ALG14: variants seen among roughly 807,000 people sequenced by gnomAD.
The protein encoded by ALG14 is UDP-N-acetylglucosamine transferase subunit ALG14.
Under a neutral mutation model 22.8 loss-of-function variants are expected in ALG14, and 17 were observed. The ratio of observed to expected loss-of-function variants is 0.75; its 90% CI spans 0.51 to 1.12. The LOEUF is 1.12. Among genes scored for constraint, ALG14 ranks in the 50% most tolerant of loss-of-function variants. The pLI, the probability that ALG14 is intolerant of heterozygous loss-of-function variation, is 0.00. For missense variants in ALG14, 288 were observed against 271.8 expected (o/e 1.06, Z -0.42); for synonymous variants, 89 against 103.7 (o/e 0.86, Z 0.86).
At chr1:95,047,112 T>C (rs1292953090) in intron 2 of ALG14, among the ~76,000 whole-genome samples, 2 of 152,186 alleles carry the variant, frequency 1.3e-5, no homozygotes, top group East Asian at 3.9e-4. Context: ...GCAGACAATA[T>C]ATAGGATGTG....
At chr1:95,066,031 T>C (rs578140299) in intron 1 of ALG14, among the ~76,000 whole-genome samples, 3 of 152,276 alleles carry the variant, frequency 2.0e-5, no homozygotes, top group African/African-American at 7.2e-5. Context: ...CTCAGTCAGG[T>C]TGATGTCTTC....
rs1419986912 is a variant in ALG14 at position 94,977,985 on chromosome 1, G to C, written c.*5091C>G. 2 of 151,822 alleles carry C rather than the reference G, an allele frequency of 1.3e-5. No homozygotes were observed. The highest frequency in any genetic ancestry group is 2.9e-5 in the Non-Finnish European group (2 of 67,960). 9.4% of individuals were successfully genotyped at this position (151,822 alleles called of 1,614,324 possible). On this transcript the variant is annotated 3_prime_UTR_variant, in exon 4 of 4. Coordinates refer to ENST00000370205, the MANE Select transcript of ALG14 (RefSeq NM_144988.4). ...TAATTTTTTAGTATAATGAGGTCCTGAGATCAAAACGTTTGTGAAGCACTG... is the reference window on the plus strand; with the variant it reads ...TAATTTTTTAGTATAATGAGGTCCTCAGATCAAAACGTTTGTGAAGCACTG...
intron 2 of ALG14, among the ~76,000 whole-genome samples, chr1:95,034,534 G>A (rs187186937): frequency 1.2e-4 from 18 of 152,292 alleles, no homozygotes; most frequent in Non-Finnish European, 2.2e-4. Flanking sequence ...TGACATCTCA[G>A]GGTTTTAAGG....
At chr1:95,065,175 C>T (rs894438257) in intron 1 of ALG14, among the ~76,000 whole-genome samples, 158 bp from the exon 2 acceptor site, 2 of 152,110 alleles carry the variant, frequency 1.3e-5, no homozygotes, top group African/African-American at 4.8e-5. Flanking sequence ...AACAATAAAT[C>T]TATGCCCTCG....
At chr1:95,052,522 A>G (rs1674781349) in intron 2 of ALG14, among the ~76,000 whole-genome samples, 1 of 152,156 alleles carries the variant, frequency 6.6e-6, no homozygotes, top group Non-Finnish European at 1.5e-5. Flanking sequence ...GAGATATTAT[A>G]TTTTTTCCTT....
At chr1:94,998,353 G>A (rs1030386489) in intron 3 of ALG14, among the ~76,000 whole-genome samples, 2 of 152,126 alleles carry the variant, frequency 1.3e-5, no homozygotes, top group African/African-American at 4.8e-5. Flanking sequence ...TATGGTGTAA[G>A]TCTTTGAAAC....
In ALG14 at chr1:94,974,924, C is replaced by G. The variant is rs1672366169; in HGVS notation, c.*8152G>C. The stretch of plus-strand genomic sequence containing the variant: ...ACTCAAATGGCAGGGCTGGAATAAT[C>G]TGGAGACTTCTCCTCTTGCATGTCT... On this transcript the variant is annotated 3_prime_UTR_variant, in exon 4 of 4. Transcript: ENST00000370205. 1.3e-5 allele frequency: 2 copies of G among 152,230 alleles called. No individual in the cohort carries two copies. The highest frequency in any genetic ancestry group is 4.8e-5 in the African/African-American group (2 of 41,448). The allele number at this position is 152,230 out of a possible 1,614,324, so 9.4% of individuals were successfully genotyped here. A position where few individuals can be genotyped will look rare whatever the true frequency, so the allele number is the denominator to read the frequency against.
intron 3 of ALG14, among the ~76,000 whole-genome samples, chr1:95,001,528 C>T (rs1673068561): frequency 6.6e-6 from 1 of 152,166 alleles, no homozygotes; most frequent in South Asian, 2.1e-4. Flanking sequence ...CAGAGTCTCA[C>T]TCTGTAGTCC....
chr1:94,984,739 A>T, intron 3 of ALG14, among the ~76,000 whole-genome samples: 1 of 152,184 alleles, frequency 6.6e-6, no homozygotes, highest in Non-Finnish European at 1.5e-5. Flanking sequence ...AATGGAACTG[A>T]GAGTCAGGGG....
chr1:95,057,636 G>GTGTA (rs1391560897), intron 2 of ALG14, among the ~76,000 whole-genome samples: 1 of 149,594 alleles, frequency 6.7e-6, no homozygotes, highest in Non-Finnish European at 1.5e-5. Flanking sequence ...GTGTGTGTGT[G>GTGTA]TGTGTGTGTG....
chr1:95,000,535 TAA>T (rs71588535), intron 3 of ALG14, among the ~76,000 whole-genome samples: 11 of 70,602 alleles, frequency 1.6e-4, no homozygotes, highest in African/African-American at 1.1e-4. Context: ...GACCCTGTCC[TAA>T]AAAAAAAAAA....
intron 3 of ALG14, among the ~76,000 whole-genome samples, chr1:94,998,085 G>A (rs1319218401): frequency 6.6e-6 from 1 of 152,152 alleles, no homozygotes; most frequent in Non-Finnish European, 1.5e-5. Context: ...GGAAAGTAAT[G>A]CACACCAAGT....
chr1:94,979,296 A>AG lies in ALG14; in HGVS notation c.*3779_*3780insC, dbSNP rs1672454570. The AG allele has an allele frequency of 6.8e-6, 1 of 147,828 alleles. No homozygotes were observed. Among genetic ancestry groups the AG allele is most frequent in the Non-Finnish European group, 1.5e-5 (1 of 67,190 alleles). The allele number at this position is 147,828 out of a possible 1,614,324, so 9.2% of individuals were successfully genotyped here. The stretch of plus-strand genomic sequence containing the variant: ...GATGGAGCGAGACTGTCTCGAAAAA[A>AG]AAAAAAAAAAAAAAAAAAGAAAGAA... On this transcript the variant is annotated 3_prime_UTR_variant, in exon 4 of 4. Coordinates refer to ENST00000370205, the MANE Select transcript of ALG14 (RefSeq NM_144988.4).
At chr1:94,992,722 C>G (rs1672805207) in intron 3 of ALG14, among the ~76,000 whole-genome samples, 1 of 152,078 alleles carries the variant, frequency 6.6e-6, no homozygotes, top group Non-Finnish European at 1.5e-5. Flanking sequence ...GGTGGAGAGT[C>G]AGTTCTAACA....
chr1:95,057,827 A>C (rs1674989739), intron 2 of ALG14, among the ~76,000 whole-genome samples: 1 of 151,876 alleles, frequency 6.6e-6, no homozygotes, highest in South Asian at 2.1e-4. Flanking sequence ...TAAATTTCAG[A>C]ATTCTAAGGA....
intron 3 of ALG14, among the ~76,000 whole-genome samples, chr1:95,014,645 T>A (rs1411134885): frequency 6.6e-6 from 1 of 152,234 alleles, no homozygotes; most frequent in African/African-American, 2.4e-5. Flanking sequence ...TTGAATTATC[T>A]ACAAATAGTT....
chr1:95,038,471 G>A (rs1273131179), intron 2 of ALG14, among the ~76,000 whole-genome samples: 1 of 151,946 alleles, frequency 6.6e-6, no homozygotes, highest in Non-Finnish European at 1.5e-5. Flanking sequence ...TCTGGTGACA[G>A]AGTGAGACTC....
intron 3 of ALG14, among the ~76,000 whole-genome samples, chr1:95,011,575 G>A (rs772869969): frequency 1.3e-5 from 2 of 151,908 alleles, no homozygotes; most frequent in Admixed American, 6.6e-5. Flanking sequence ...ACAGGCGCCC[G>A]CCACAGCACC....
At chr1:95,069,131 G>C (rs934161464) in intron 1 of ALG14, among the ~76,000 whole-genome samples, 1 of 151,854 alleles carries the variant, frequency 6.6e-6, no homozygotes, top group African/African-American at 2.4e-5. Flanking sequence ...CTCTACTTCG[G>C]TCTTTGTCAA....
Sources: gnomAD v4.1 joint callset for allele counts (sites outside exome capture counted in the v4.1 genomes callset) on GRCh38, gnomAD v4.1.1 for gene constraint, MANE v1.5 for transcripts, NCBI Gene and HGNC (gene_info 2026-07-23, HGNC 2026-07-21) for gene names.